The following MYBPC2 variants were observed in gnomAD, a reference collection of about 807,000 sequenced individuals.
MYBPC2 encodes myosin-binding protein C, fast-type.
In MYBPC2, 122 loss-of-function variants were observed where a neutral mutation model predicts 137.0. The observed-to-expected ratio is 0.89, with a 90% CI of 0.77 to 1.03. The LOEUF is 1.03. Ranked by LOEUF, MYBPC2 falls within the 50% of genes least tolerant of loss-of-function variation. MYBPC2 has a pLI of 0.00. For missense variants in MYBPC2, 1,500 were observed against 1,534.4 expected (o/e 0.98, Z 0.37); for synonymous variants, 626 against 612.3 (o/e 1.02, Z -0.33).
rs756758827 is a variant in MYBPC2 at position 50,432,924 on chromosome 19, G to C, written c.-30G>C. The C allele has an allele frequency of 6.2e-7, 1 of 1,604,296 alleles. No individual in the cohort carries two copies. The highest frequency in any genetic ancestry group is 1.1e-5 in the South Asian group (1 of 89,542). On this transcript the variant is annotated 5_prime_UTR_variant, in exon 1 of 28. Transcript: ENST00000357701. The surrounding 1 kb of genome is among the most constrained non-coding windows in gnomAD (Gnocchi z 5.5). ...CTAGGGCCTAGCGGGACGCGGCTGC[G>C]GTCAGAGGAGCAGGAGGAGGTCCCC...
At position 50,435,062 on chromosome 19, in the gene MYBPC2, T is replaced by C; in HGVS notation, c.20-99T>C. ...GGCTGGGGGCCTGGACTCCTGGGTC[T>C]GAGGGAGGAGGGGCTGGGGGGTCTG... On this transcript the variant is annotated intron_variant, in intron 1 of 27. Coordinates refer to ENST00000357701, the MANE Select transcript of MYBPC2 (RefSeq NM_004533.4). The surrounding 1 kb of genome is among the most constrained non-coding windows in gnomAD (Gnocchi z 4.8). The C allele has an allele frequency of 1.5e-6, 1 of 676,350 alleles. No individual in the cohort carries two copies. The highest frequency in any genetic ancestry group is 2.7e-6 in the Non-Finnish European group (1 of 367,424). 41.9% of individuals were successfully genotyped at this position (676,350 alleles called of 1,614,324 possible).
rs769857925 is a variant in MYBPC2 at position 50,451,858 on chromosome 19, C to T, written c.1610-6C>T. On this transcript the variant is annotated splice_region_variant and splice_polypyrimidine_tract_variant and intron_variant, in intron 15 of 27. Coordinates refer to ENST00000357701, the MANE Select transcript of MYBPC2 (RefSeq NM_004533.4). Reference sequence around the variant, plus strand: ...CAGGGTCCCTGTATCTCTTCTGTGCCACCAGAGCCACCAAAGATCCACTTG... The same window carrying T: ...CAGGGTCCCTGTATCTCTTCTGTGCTACCAGAGCCACCAAAGATCCACTTG... 2.5e-6 allele frequency: 4 copies of T among 1,589,762 alleles called. No homozygotes were observed. Among genetic ancestry groups the T allele is most frequent in the Middle Eastern group, 1.7e-4 (1 of 6,032 alleles).
intron 26 of MYBPC2, among the ~76,000 whole-genome samples, chr19:50,462,464 G>T (rs1031500523): frequency 1.3e-5 from 2 of 150,848 alleles, no homozygotes; most frequent in African/African-American, 4.9e-5. Flanking sequence ...GATTACAGGT[G>T]TGAGCCACCA....
intron 13 of MYBPC2, among the ~76,000 whole-genome samples, chr19:50,449,711 G>GACAA (rs2039838909): frequency 6.6e-6 from 1 of 152,216 alleles, no homozygotes; most frequent in South Asian, 2.1e-4. Flanking sequence ...GGACACCTAA[G>GACAA]ACAAACACCT....
rs544851469 is a variant in MYBPC2, at chr19:50,450,685, G to T, written c.1473-144G>T. 103 of 618,576 alleles carry T rather than the reference G, an allele frequency of 1.7e-4. No homozygotes were observed. In the East Asian group the frequency reaches 2.8e-3, roughly 17 times the overall value. The allele number at this position is 618,576 out of a possible 1,614,324, so 38.3% of individuals were successfully genotyped here. A position where few individuals can be genotyped will look rare whatever the true frequency, so the allele number is the denominator to read the frequency against. The stretch of plus-strand genomic sequence containing the variant: ...CCCAAGGTCACATAGCTACCGATTT[G>T]AAAATAGACCACAGCGTTCCAAAGC... On this transcript the variant is annotated intron_variant, in intron 13 of 27. Transcript: ENST00000357701.
At position 50,437,729 on chromosome 19, in the gene MYBPC2, G is replaced by T; in HGVS notation, c.572+11G>T. The T allele has an allele frequency of 6.3e-7, 1 of 1,598,572 alleles. No homozygotes were observed. Among genetic ancestry groups the T allele is most frequent in the South Asian group, 1.1e-5 (1 of 88,196 alleles). ...CCTGTTGAAGAAGAGGTGAGCCCCG[G>T]ACTTGGCACAGAGAGGGGAGATGGG... is the stretch of plus-strand genomic sequence containing the variant. On this transcript the variant is annotated intron_variant, in intron 7 of 27. Coordinates refer to ENST00000357701, the MANE Select transcript of MYBPC2 (RefSeq NM_004533.4).
rs538504183 is a variant in MYBPC2 at position 50,433,886 on chromosome 19, G to A, written c.19+914G>A. On this transcript the variant is annotated intron_variant, in intron 1 of 27. Transcript: ENST00000357701. ...AGGCCAGGAGTTCAAGACCAGCCTG[G>A]GCAACATGGCGAGACCTTGTCTCTA... 2.0e-4 allele frequency among the ~76,000 whole-genome samples: 30 copies of A among 152,224 alleles called. No individual in the cohort carries two copies. In the South Asian group the frequency reaches 2.3e-3, roughly 12 times the overall value.
In MYBPC2 at chr19:50,436,088, G is replaced by A; in HGVS notation, c.273G>A (p.Gly91=). 6.3e-7 allele frequency: 1 copy of A among 1,582,976 alleles called. No homozygotes were observed. The highest frequency in any genetic ancestry group is 8.6e-7 in the Non-Finnish European group (1 of 1,164,756). Residue 91 remains glycine, a synonymous_variant, in exon 4 of 28, where the codon GGG becomes GGA. Transcript: ENST00000357701. ...PDKPTIKWFK[G]KWLELGSKSG... ...AACCGACCATCAAGTGGTTCAAGGGGAAGTGGCTGGAGCTGGGCAGCAAGA... is the reference window on the plus strand; with the variant it reads ...AACCGACCATCAAGTGGTTCAAGGGAAAGTGGCTGGAGCTGGGCAGCAAGA...
In MYBPC2 at chr19:50,459,123, C is replaced by T. The variant is rs895539285; in HGVS notation, c.2608C>T (p.Pro870Ser). ...LVVPFQGKPR[P>S]QVVWTKGGAP... is the part of the protein sequence containing the mutation. ...CCTCTCCCCGCAGGGAAAGCCCCGG[C>T]CCCAGGTGGTGTGGACCAAGGGCGG... The change falls in exon 23 of 28, where the codon CCC (proline) becomes TCC (serine). Residue 870 changes from proline to serine, a missense_variant. By Grantham distance (74) the Pro-to-Ser change is moderately conservative. Transcript: ENST00000357701. 1.3e-6 allele frequency: 2 copies of T among 1,567,736 alleles called. No individual in the cohort carries two copies. Among genetic ancestry groups the T allele is most frequent in the East Asian group, 2.4e-5 (1 of 42,084 alleles).
At chr19:50,436,995 C>T (rs1377508739) in intron 5 of MYBPC2, among the ~76,000 whole-genome samples, 1 of 152,104 alleles carries the variant, frequency 6.6e-6, no homozygotes, top group East Asian at 1.9e-4. Context: ...ATGCACATTC[C>T]ACGTTTAAGA....
chr19:50,459,313 G>A lies in MYBPC2; in HGVS notation c.2791+7G>A, dbSNP rs774195403. ...ATCCGCATCCGCGTTGTGGGTGCGC[G>A]CGCTGGGGAGGGCCCCTGGAGGCCG... On this transcript the variant is annotated splice_region_variant and intron_variant, in intron 23 of 27. Transcript: ENST00000357701. 3.1e-6 allele frequency: 5 copies of A among 1,591,326 alleles called. No homozygotes were observed. Among genetic ancestry groups the A allele is most frequent in the Non-Finnish European group, 3.4e-6 (4 of 1,168,382 alleles).
intron 20 of MYBPC2, 32 bp from the exon 21 acceptor site, chr19:50,458,555 A>ACGAGATC: frequency 1.2e-6 from 2 of 1,605,010 alleles, no homozygotes; most frequent in South Asian, 2.2e-5. Context: ...GGAGGAGGGC[A>ACGAGATC]CGAGATCCGC....
intron 26 of MYBPC2, among the ~76,000 whole-genome samples, chr19:50,463,487 A>G (rs2039988155): frequency 6.6e-6 from 1 of 152,196 alleles, no homozygotes; most frequent in African/African-American, 2.4e-5. Flanking sequence ...TTGCTTATTT[A>G]CAGCACTGTT....
At chr19:50,451,727 AG>A in intron 15 of MYBPC2, 136 bp from the exon 16 acceptor site, 2 of 1,302,048 alleles carry the variant, frequency 1.5e-6, no homozygotes, top group Non-Finnish European at 2.1e-6. Context: ...ACTGGGTCTG[AG>A]GGAGGAGGGC....
intron 9 of MYBPC2, 78 bp downstream of exon 9, chr19:50,442,391 C>A: frequency 6.5e-7 from 1 of 1,537,810 alleles, no homozygotes; most frequent in East Asian, 2.4e-5. Context: ...GCCTATCACT[C>A]TTAACCAGAA....
At position 50,454,378 on chromosome 19, in the gene MYBPC2, C is replaced by T. The variant is rs779525672; in HGVS notation, c.2014+9C>T. ...GGGGAAGCCAGTCACCGGTGAGTGC[C>T]TCTGTCCTCATGACCTCTGACCTTC... On this transcript the variant is annotated intron_variant, in intron 18 of 27. Transcript: ENST00000357701. 24 of 1,590,280 alleles carry T rather than the reference C, an allele frequency of 1.5e-5. No individual in the cohort carries two copies. The highest frequency in any genetic ancestry group is 1.9e-5 in the Non-Finnish European group (22 of 1,164,646).
intron 9 of MYBPC2, among the ~76,000 whole-genome samples, chr19:50,442,719 G>A (rs1255114391): frequency 6.6e-6 from 1 of 151,950 alleles, no homozygotes; most frequent in Non-Finnish European, 1.5e-5. Flanking sequence ...GCGACAGAGT[G>A]AGACCCTGTT....
chr19:50,443,748 G>A lies in MYBPC2; in HGVS notation c.1065G>A (p.Gln355=). Residue 355 remains glutamine, a synonymous_variant, in exon 11 of 28, where the codon CAG becomes CAA. Transcript: ENST00000357701. ...PVLIVTPLED[Q]QVFVGDRVEM... is the part of the protein sequence containing the mutation. ...TAATTGTCACACCTCTTGAGGACCAGCAGGTGTTTGTGGGTGACCGGGTGG... is the reference window on the plus strand; with the variant it reads ...TAATTGTCACACCTCTTGAGGACCAACAGGTGTTTGTGGGTGACCGGGTGG... 6.2e-7 allele frequency: 1 copy of A among 1,613,978 alleles called. No individual in the cohort carries two copies. The highest frequency in any genetic ancestry group is 8.5e-7 in the Non-Finnish European group (1 of 1,179,882).
Position 50,450,270 on chromosome 19 carries a change from T to C in MYBPC2, c.1473-559T>C, listed in dbSNP as rs144147089. On this transcript the variant is annotated intron_variant, in intron 13 of 27. Coordinates refer to ENST00000357701, the MANE Select transcript of MYBPC2 (RefSeq NM_004533.4). ...GGTGTGGTTTTTTTCTTTTCTTTTCTTTTTTTGAGACAGGGTCTCAACCTG... is the reference window on the plus strand; with the variant it reads ...GGTGTGGTTTTTTTCTTTTCTTTTCCTTTTTTGAGACAGGGTCTCAACCTG... Among the ~76,000 whole-genome samples, 418 of 152,248 alleles carry C rather than the reference T, an allele frequency of 2.7e-3. 1 individual carries two copies. Among genetic ancestry groups the C allele is most frequent in the Non-Finnish European group, 4.6e-3 (311 of 68,014 alleles).
Sources: gnomAD v4.1 joint callset for allele counts (sites outside exome capture counted in the v4.1 genomes callset) on GRCh38, gnomAD v4.1.1 for gene constraint, Gnocchi (gnomAD v3.1) non-coding constraint, MANE v1.5 for transcripts, NCBI Gene and HGNC (gene_info 2026-07-23, HGNC 2026-07-21) for gene names.